FOXP2: variants seen among roughly 807,000 people sequenced by gnomAD.
FOXP2 encodes the protein forkhead box protein P2.
Under a neutral mutation model 115.8 loss-of-function variants are expected in FOXP2, and 12 were observed. The ratio of observed to expected loss-of-function variants is 0.10; its 90% CI spans 0.07 to 0.17. The LOEUF (loss-of-function observed/expected upper bound fraction) is 0.17, where lower values mean the gene tolerates loss of function less well. Ranked by LOEUF, FOXP2 falls within the 10% of genes least tolerant of loss-of-function variation. FOXP2 has a pLI of 1.00. For synonymous variants in FOXP2, 328 were observed against 297.7 expected (o/e 1.10, Z -1.05); for missense variants, 629 against 843.5 (o/e 0.75, Z 3.15).
At chr7:114,673,439 A>G (rs781468691) in intron 16 of FOXP2, among the ~76,000 whole-genome samples, 1 of 152,224 alleles carries the variant, frequency 6.6e-6, no homozygotes, top group Non-Finnish European at 1.5e-5. Flanking sequence ...AAATAGAGTG[A>G]TAAATCCTGA....
chr7:114,293,625 T>G (rs57921696), intron 2 of FOXP2, among the ~76,000 whole-genome samples: 11,842 of 152,210 alleles, frequency 0.078, 1,111 homozygotes, highest in African/African-American at 0.22. Flanking sequence ...AAGTGAATCA[T>G]GGGGCAGTTC....
At chr7:114,092,714 A>T (rs537195632) in intron 1 of FOXP2, among the ~76,000 whole-genome samples, 4 of 151,762 alleles carry the variant, frequency 2.6e-5, no homozygotes, top group South Asian at 2.1e-4. Flanking sequence ...TTTTTTTTTA[A>T]AAAAAGATCC....
intron 1 of FOXP2, among the ~76,000 whole-genome samples, chr7:114,262,284 A>G (rs957413190): frequency 1.3e-5 from 2 of 152,210 alleles, no homozygotes; most frequent in East Asian, 1.9e-4. Flanking sequence ...TTACCCAGGT[A>G]TGGTGGTATG....
intron 2 of FOXP2, among the ~76,000 whole-genome samples, chr7:114,507,235 CT>C (rs1300794093): frequency 2.6e-5 from 4 of 151,762 alleles, no homozygotes; most frequent in Non-Finnish European, 4.4e-5. Context: ...AATGGAAAAT[CT>C]ATCTATCCTA....
At chr7:114,561,888 C>T (rs1800776855) in intron 3 of FOXP2, among the ~76,000 whole-genome samples, 1 of 152,084 alleles carries the variant, frequency 6.6e-6, no homozygotes. Context: ...CTCCTGGGCT[C>T]AAGTCATTCT....
intron 2 of FOXP2, among the ~76,000 whole-genome samples, chr7:114,331,492 C>A (rs976065936): frequency 6.6e-6 from 1 of 152,104 alleles, no homozygotes; most frequent in African/African-American, 2.4e-5. Context: ...ATTTAATATT[C>A]TTGGCTAGTG....
At chr7:114,317,901 G>A (rs939614808) in intron 2 of FOXP2, among the ~76,000 whole-genome samples, 11 of 152,104 alleles carry the variant, frequency 7.2e-5, no homozygotes, top group African/African-American at 2.7e-4. Flanking sequence ...CCACCTCGGG[G>A]CCTTTGCAGC....
intron 1 of FOXP2, among the ~76,000 whole-genome samples, chr7:114,285,624 C>T (rs1796448990): frequency 6.6e-6 from 1 of 152,058 alleles, no homozygotes; most frequent in South Asian, 2.1e-4. Context: ...CAAGAGTTCT[C>T]ATCTTTCTAT....
chr7:114,373,822 C>T (rs1792073970), intron 2 of FOXP2, among the ~76,000 whole-genome samples: 1 of 152,194 alleles, frequency 6.6e-6, no homozygotes, highest in Non-Finnish European at 1.5e-5. Context: ...GTTCTATCCA[C>T]AGCATTTGAG....
At chr7:114,498,809 CA>C in intron 2 of FOXP2, 2 of 716,674 alleles carry the variant, frequency 2.8e-6, no homozygotes, top group South Asian at 1.5e-5. Flanking sequence ...GGGTATATGT[CA>C]GGATGATTTC....
chr7:114,486,119 T>A (rs1438149654), intron 2 of FOXP2, among the ~76,000 whole-genome samples: 1 of 152,128 alleles, frequency 6.6e-6, no homozygotes, highest in African/African-American at 2.4e-5. Context: ...GTATTAGTTC[T>A]CACACTGCTA....
At chr7:114,363,530 C>T (rs1791801162) in intron 2 of FOXP2, among the ~76,000 whole-genome samples, 1 of 152,074 alleles carries the variant, frequency 6.6e-6, no homozygotes, top group Admixed American at 6.6e-5. Flanking sequence ...GTTCTGAGCA[C>T]ACCTTTCAAA....
intron 2 of FOXP2, among the ~76,000 whole-genome samples, chr7:114,311,959 C>T (rs1797156375): frequency 1.3e-5 from 2 of 152,092 alleles, no homozygotes; most frequent in African/African-American, 4.8e-5. Flanking sequence ...GACACTTGTG[C>T]ACCCAGTGTC....
chr7:114,432,387 C>T (rs907190261), intron 2 of FOXP2, among the ~76,000 whole-genome samples: 2 of 151,986 alleles, frequency 1.3e-5, no homozygotes, highest in East Asian at 1.9e-4. Context: ...TGAGGTTTTA[C>T]ACAGCACAGA....
At chr7:114,629,485 G>A (rs576936930) in intron 4 of FOXP2, 41 of 947,090 alleles carry the variant, frequency 4.3e-5, no homozygotes, top group East Asian at 3.4e-4. Flanking sequence ...AACTGGTAGA[G>A]TATAGCCTAG....
intron 2 of FOXP2, among the ~76,000 whole-genome samples, chr7:114,313,693 C>G (rs1429621236): frequency 2.0e-5 from 1 of 49,742 alleles, no homozygotes; most frequent in Non-Finnish European, 3.4e-5. Context: ...TGCAGTGAGC[C>G]GAGATTGCGC....
chr7:114,529,919 A>G (rs924091948), intron 2 of FOXP2, among the ~76,000 whole-genome samples: 1 of 151,942 alleles, frequency 6.6e-6, no homozygotes, highest in African/African-American at 2.4e-5. Flanking sequence ...CTTTTTATCA[A>G]CCACACTTGG....
At chr7:114,348,403 C>G (rs773186138) in intron 2 of FOXP2, among the ~76,000 whole-genome samples, 1 of 151,770 alleles carries the variant, frequency 6.6e-6, no homozygotes, top group African/African-American at 2.4e-5. Context: ...GGTTTGTTTC[C>G]TTTTTCCCCT....
intron 3 of FOXP2, among the ~76,000 whole-genome samples, chr7:114,590,439 A>G (rs1802385680): frequency 6.6e-6 from 1 of 152,162 alleles, no homozygotes; most frequent in Non-Finnish European, 1.5e-5. Flanking sequence ...AGAACCAGAA[A>G]GCCCCTCACA....
Sources: allele counts gnomAD v4.1 joint callset (sites outside exome capture counted in the v4.1 genomes callset), GRCh38; gene constraint gnomAD v4.1.1; transcripts MANE v1.5; gene names NCBI Gene and HGNC (gene_info 2026-07-23, HGNC 2026-07-21).